KY: variants seen among roughly 807,000 people sequenced by gnomAD.
KY encodes the protein kyphoscoliosis peptidase.
In KY, 43 loss-of-function variants were observed where a neutral mutation model predicts 76.1. The ratio of observed to expected loss-of-function variants is 0.57; its 90% CI spans 0.44 to 0.73. The LOEUF (loss-of-function observed/expected upper bound fraction) is 0.73. KY is among the 30% of genes least tolerant of loss of function. KY has a pLI of 0.00. For synonymous variants in KY, 277 were observed against 326.2 expected (o/e 0.85, Z 1.63); for missense variants, 722 against 828.9 (o/e 0.87, Z 1.58).
intron 8 of KY, among the ~76,000 whole-genome samples, chr3:134,616,120 C>T (rs1056625877): frequency 3.9e-5 from 6 of 152,168 alleles, no homozygotes; most frequent in Admixed American, 3.9e-4. Context: ...TAGGCAGAAT[C>T]AACTAAGGAT....
At chr3:134,643,908 G>A (rs1966098923) in intron 2 of KY, among the ~76,000 whole-genome samples, 1 of 150,640 alleles carries the variant, frequency 6.6e-6, no homozygotes, top group Non-Finnish European at 1.5e-5. Context: ...CTCACTGCAA[G>A]CTCCGCCTCC....
At position 134,604,187 on chromosome 3, in the gene KY, G is replaced by T. The variant is rs761623130; in HGVS notation, c.1378C>A (p.Gln460Lys). 10 of 1,611,392 alleles carry T rather than the reference G, an allele frequency of 6.2e-6. No individual in the cohort carries two copies. The South Asian group carries it at 9.9e-5, about 16-fold the overall frequency. ...TGGGAGGGCTTCATGATGCCCATCT[G>T]CTCCGAGAACCAGCTGGGGCCCACG... is the stretch of plus-strand genomic sequence containing the variant. ...QPVGPSWFSEQMGIMKPSHPD... is the reference protein window; with the variant it reads ...QPVGPSWFSEKMGIMKPSHPD... The change falls in exon 11 of 11, where the codon CAG (glutamine) becomes AAG (lysine). Residue 460 changes from glutamine to lysine, a missense_variant. Physicochemically the swap from Gln to Lys is moderately conservative, Grantham distance 53. Coordinates refer to ENST00000423778, the MANE Select transcript of KY (RefSeq NM_178554.6).
Position 134,650,902 on chromosome 3 carries a change from G to A in KY, c.59C>T (p.Ser20Leu), listed in dbSNP as rs545375243. The A allele has an allele frequency of 6.2e-7, 1 of 1,613,188 alleles. No individual in the cohort carries two copies. Among genetic ancestry groups the A allele is most frequent in the African/African-American group, 1.3e-5 (1 of 75,020 alleles). Residue 20 changes from serine to leucine, a missense_variant, in exon 1 of 11, where the codon TCG becomes TTG. Physicochemically the swap from Ser to Leu is moderately radical, Grantham distance 145 (BLOSUM62 -2). Transcript: ENST00000423778. ...VSIDMLLIVHSEKRRAAQGTL... is the reference protein window; with the variant it reads ...VSIDMLLIVHLEKRRAAQGTL... Reference sequence around the variant, plus strand: ...ACCCTGTGCGGCGCGCCGCTTCTCCGAGTGCACGATCAGCAGCATGTCGAT... The same window carrying A: ...ACCCTGTGCGGCGCGCCGCTTCTCCAAGTGCACGATCAGCAGCATGTCGAT...
chr3:134,611,530 G>A (rs1019308599), intron 8 of KY, among the ~76,000 whole-genome samples: 6 of 152,338 alleles, frequency 3.9e-5, no homozygotes, highest in Admixed American at 3.9e-4. Context: ...ATTAGAAAAG[G>A]TTCCCCTTCC....
Position 134,610,212 on chromosome 3 carries a change from G to A in KY, c.882C>T (p.Thr294=). The change falls in exon 9 of 11, where the codon ACC becomes ACT. Residue 294 remains threonine (T), a synonymous_variant. Transcript: ENST00000423778. ...TWGSGLVDTI[T]SKFTFLYNEF... ...GTACTTACAGGAAGGTGAATTTGGAGGTGATGGTGTCCACCAGGCCGCTGC... is the reference window on the plus strand; with the variant it reads ...GTACTTACAGGAAGGTGAATTTGGAAGTGATGGTGTCCACCAGGCCGCTGC... 1.9e-6 allele frequency: 3 copies of A among 1,613,092 alleles called. No individual in the cohort carries two copies. Among genetic ancestry groups the A allele is most frequent in the Non-Finnish European group, 2.5e-6 (3 of 1,179,514 alleles).
chr3:134,614,896 C>T (rs1961235770), intron 8 of KY, among the ~76,000 whole-genome samples: 1 of 152,118 alleles, frequency 6.6e-6, no homozygotes, highest in South Asian at 2.1e-4. Context: ...AATCTGATCA[C>T]CTCTCCTAGG....
In KY at chr3:134,600,664, T is replaced by C. The variant is rs1958924135; in HGVS notation, c.*2915A>G. On this transcript the variant is annotated 3_prime_UTR_variant, in exon 11 of 11. Transcript: ENST00000423778. ...CATCCTGAGAATTGCAAGCAGATAC[T>C]TTCTGAGTTTGATCGGTTCCAATCC... is the stretch of plus-strand genomic sequence containing the variant. Among the ~76,000 whole-genome samples the C allele has an allele frequency of 6.6e-6, 1 of 152,192 alleles. No homozygotes were observed. Among genetic ancestry groups the C allele is most frequent in the Non-Finnish European group, 1.5e-5 (1 of 68,030 alleles).
chr3:134,610,395 A>G lies in KY; in HGVS notation c.711-12T>C. On this transcript the variant is annotated splice_polypyrimidine_tract_variant and intron_variant, in intron 8 of 10. Coordinates refer to ENST00000423778, the MANE Select transcript of KY (RefSeq NM_178554.6). ...GCACTCCGGCGAGCCTGGGGGCAGG[A>G]CAGGGGGTCTGAGAGGGGGATCCCG... 6.2e-7 allele frequency: 1 copy of G among 1,605,182 alleles called. No individual in the cohort carries two copies.
Position 134,610,366 on chromosome 3 carries a change from C to T in KY, c.728G>A (p.Cys243Tyr). 1 of 1,612,522 alleles carries T rather than the reference C, an allele frequency of 6.2e-7. No homozygotes were observed. The highest frequency in any genetic ancestry group is 8.5e-7 in the Non-Finnish European group (1 of 1,179,334). The change falls in exon 9 of 11, where the codon TGT becomes TAT. Residue 243 changes from cysteine to tyrosine, a missense_variant. By Grantham distance (194) the Cys-to-Tyr change is radical. This residue lies in a region of KY where 552 missense variants were observed against 680.9 expected (regional missense o/e 0.81). Transcript: ENST00000423778. Reference sequence around the variant, plus strand: ...CTTGGAGTAGCCAGGCACGGTCATACACTGCACTCCGGCGAGCCTGGGGGC... The same window carrying T: ...CTTGGAGTAGCCAGGCACGGTCATATACTGCACTCCGGCGAGCCTGGGGGC... Reference protein sequence around the residue: ...ERMCRLAGVQCMTVPGYSKGF... With the variant: ...ERMCRLAGVQYMTVPGYSKGF...
chr3:134,619,324 C>T lies in KY; in HGVS notation c.593-59G>A, dbSNP rs72974182. ...GAGCCTGGGAGGCGAGAAGACTCCA[C>T]CCCAACCCCCAGCTGTGCTCTGGCC... On this transcript the variant is annotated intron_variant, in intron 7 of 10. Transcript: ENST00000423778. The T allele has an allele frequency of 4.8e-3, 6,088 of 1,267,344 alleles. 177 individuals carry two copies. In the African/African-American group the frequency reaches 0.076, roughly 16 times the overall value. 78.5% of individuals were successfully genotyped at this position (1,267,344 alleles called of 1,614,324 possible).
intron 6 of KY, among the ~76,000 whole-genome samples, chr3:134,624,674 G>A (rs569716658): frequency 9.9e-5 from 15 of 152,016 alleles, no homozygotes; most frequent in Non-Finnish European, 1.6e-4. Flanking sequence ...CTGCATCCAC[G>A]GTCCTCCCAT....
intron 2 of KY, among the ~76,000 whole-genome samples, chr3:134,646,342 A>C (rs1966438782): frequency 6.6e-6 from 1 of 152,018 alleles, no homozygotes; most frequent in Non-Finnish European, 1.5e-5. Context: ...GGGGATGGGG[A>C]GTGTGTCTTG....
rs1251286132 is a variant in KY at position 134,608,846 on chromosome 3, C to G, written c.900-7G>C. On this transcript the variant is annotated splice_polypyrimidine_tract_variant and splice_region_variant and intron_variant, in intron 9 of 10. Coordinates refer to ENST00000423778, the MANE Select transcript of KY (RefSeq NM_178554.6). ...GAAGTAGAACTCATTGTAGCTGGAGCAGAGACAAGCTGGTTAGCAGCCAGC... is the reference window on the plus strand; with the variant it reads ...GAAGTAGAACTCATTGTAGCTGGAGGAGAGACAAGCTGGTTAGCAGCCAGC... The G allele has an allele frequency of 6.2e-7, 1 of 1,602,144 alleles. No individual in the cohort carries two copies. The highest frequency in any genetic ancestry group is 8.5e-7 in the Non-Finnish European group (1 of 1,172,130).
intron 5 of KY, 148 bp from the exon 6 acceptor site, chr3:134,625,283 G>T (rs1303380261): frequency 1.4e-6 from 1 of 694,428 alleles, no homozygotes; most frequent in Non-Finnish European, 2.5e-6. Context: ...AGAGCTATAT[G>T]GGAACTTTCC....
chr3:134,604,926 C>T (rs146737011), intron 10 of KY, among the ~76,000 whole-genome samples: 50 of 152,274 alleles, frequency 3.3e-4, no homozygotes, highest in East Asian at 1.2e-3. Flanking sequence ...GTCATGTCAA[C>T]GCATTGTCCT....
intron 8 of KY, chr3:134,615,196 A>C (rs1187801260): frequency 6.6e-6 from 1 of 152,512 alleles, no homozygotes; most frequent in Admixed American, 6.5e-5. Context: ...CCCCATGCAG[A>C]ACCTCATGAG....
intron 6 of KY, among the ~76,000 whole-genome samples, chr3:134,624,782 G>C (rs941388271): frequency 1.3e-5 from 2 of 152,220 alleles, no homozygotes; most frequent in Non-Finnish European, 2.9e-5. Flanking sequence ...TGGCCAGAGG[G>C]GCTTGCCAAT....
chr3:134,615,938 C>T (rs755982912), intron 8 of KY, among the ~76,000 whole-genome samples: 1 of 152,196 alleles, frequency 6.6e-6, no homozygotes, highest in Non-Finnish European at 1.5e-5. Context: ...TTGGTGACAA[C>T]CAACTCCCTC....
Position 134,619,218 on chromosome 3 carries a change from G to T in KY, c.640C>A (p.Pro214Thr). The change falls in exon 8 of 11, where the codon CCC becomes ACC. Residue 214 changes from proline to threonine, a missense_variant. This residue lies in a region of KY where 552 missense variants were observed against 680.9 expected (regional missense o/e 0.81). Coordinates refer to ENST00000423778, the MANE Select transcript of KY (RefSeq NM_178554.6). ...TTCTGGGTCCGCAGGATGTCAGTGGGTTTGAAGGCTTGGCGGTCCTTCTCC... is the reference window on the plus strand; with the variant it reads ...TTCTGGGTCCGCAGGATGTCAGTGGTTTTGAAGGCTTGGCGGTCCTTCTCC... The part of the protein sequence containing the change: ...AQEKDRQAFK[P>T]TDILRTQKTN... 3.1e-6 allele frequency: 5 copies of T among 1,614,008 alleles called. No homozygotes were observed. Among genetic ancestry groups the T allele is most frequent in the Non-Finnish European group, 4.2e-6 (5 of 1,179,886 alleles).
Sources: gnomAD v4.1 joint callset for allele counts (sites outside exome capture counted in the v4.1 genomes callset) on GRCh38, gnomAD v4.1.1 for gene constraint, gnomAD v4.1.1 regional missense constraint, MANE v1.5 for transcripts, NCBI Gene and HGNC (gene_info 2026-07-23, HGNC 2026-07-21) for gene names.